Variants in ABHD12 observed in about 807,000 individuals in gnomAD.
ABHD12 encodes the protein abhydrolase domain containing 12, lysophospholipase, also known as lysophosphatidylserine lipase ABHD12.
A neutral mutation model predicts 58.3 loss-of-function variants in ABHD12; 43 were observed. The ratio of observed to expected loss-of-function variants is 0.74; its 90% CI spans 0.58 to 0.95. ABHD12 has a LOEUF of 0.95. ABHD12 is among the 40% of genes least tolerant of loss of function. The probability of loss-of-function intolerance (pLI) is 0.00; values close to 1 mark genes in which losing one functional copy is unlikely to be tolerated. For synonymous variants in ABHD12, 219 were observed against 211.2 expected, an observed-to-expected ratio of 1.04 and a Z score of -0.32; for missense variants, 539 against 537.2, an observed-to-expected ratio of 1.00 and a Z score of -0.03.
rs2088617906 is a variant in ABHD12 at position 25,300,630 on chromosome 20, G to A, written c.*215C>T. ...GGGCGGCAAGGAGAGCCACATGCCT[G>A]CCACCCACGCTTTCCACACAGCCAT... On this transcript the variant is annotated 3_prime_UTR_variant, in exon 13 of 13. Transcript: ENST00000339157. 6 of 1,451,564 alleles carry A rather than the reference G, an allele frequency of 4.1e-6. No individual in the cohort carries two copies. The South Asian group carries it at 8.7e-5, about 21-fold the overall frequency. The allele number at this position is 1,451,564 out of a possible 1,614,324, so 89.9% of individuals were successfully genotyped here. A position where few individuals can be genotyped will look rare whatever the true frequency, so the allele number is the denominator to read the frequency against.
At chr20:25,304,265 G>A (rs2088694403) in intron 10 of ABHD12, among the ~76,000 whole-genome samples, 1 of 152,236 alleles carries the variant, frequency 6.6e-6, no homozygotes. Context: ...CCGGTGGGGA[G>A]CCCCCGCCCT....
At chr20:25,342,103 C>CA (rs11476197) in intron 1 of ABHD12, among the ~76,000 whole-genome samples, 2,290 of 69,138 alleles carry the variant, frequency 0.033, 46 homozygotes, top group Admixed American at 0.056. Flanking sequence ...AACTCTGTCT[C>CA]AAAAAAAAAA....
intron 1 of ABHD12, chr20:25,368,717 C>G: frequency 7.9e-7 from 1 of 1,272,768 alleles, no homozygotes; most frequent in Non-Finnish European, 1.1e-6. Flanking sequence ...GAGACGCGGC[C>G]CAAGGGCTTG....
At chr20:25,366,706 A>C (rs921701448) in intron 1 of ABHD12, among the ~76,000 whole-genome samples, 18 of 152,238 alleles carry the variant, frequency 1.2e-4, no homozygotes, top group Admixed American at 6.5e-4. Flanking sequence ...ATATGGATCC[A>C]GATTTATTTT....
Position 25,309,527 on chromosome 20 carries a change from T to C in ABHD12, c.668A>G (p.Asp223Gly), listed in dbSNP as rs2088809857. The change falls in exon 7 of 13, where the codon GAC (aspartate) becomes GGC (glycine). Residue 223 changes from aspartate (D) to glycine (G), a missense_variant. Transcript: ENST00000339157. The stretch of plus-strand genomic sequence containing the variant: ...GATCCAGTCAAAAACGTGGAGTGCG[T>C]CATAGGTCATGCCCCGCTCAGATGG... The part of the protein sequence containing the change: ...GTPSERGMTY[D>G]ALHVFDWIKA... 3 of 1,614,146 alleles carry C rather than the reference T, an allele frequency of 1.9e-6. No individual in the cohort carries two copies. The South Asian group carries it at 3.3e-5, about 18-fold the overall frequency.
intron 5 of ABHD12, 65 bp from the exon 6 acceptor site, chr20:25,315,035 C>T (rs183329667): frequency 1.7e-5 from 27 of 1,558,054 alleles, no homozygotes; most frequent in East Asian, 6.7e-5. Flanking sequence ...GGCAGCTTGC[C>T]GCTTACTAAA....
At chr20:25,357,876 T>C (rs1034127969) in intron 1 of ABHD12, among the ~76,000 whole-genome samples, 6 of 152,134 alleles carry the variant, frequency 3.9e-5, no homozygotes, top group Admixed American at 3.3e-4. Context: ...CTGGGTGTCA[T>C]GACACGTGCT....
At chr20:25,296,506 A>G (rs766438931), downstream of ABHD12, 8 of 1,613,400 alleles carry the variant, frequency 5.0e-6, no homozygotes, top group South Asian at 6.6e-5. Flanking sequence ...CCGCCCCCCA[A>G]CATCCCCCGG....
chr20:25,295,804 A>G, downstream of ABHD12: 1 of 1,004,658 alleles, frequency 1.0e-6, no homozygotes, highest in Non-Finnish European at 1.5e-6. Context: ...CTGATCTGTC[A>G]TCAGTCGGCT....
chr20:25,294,866 A>G (rs1213637036), exon 13 of ABHD12: 1 of 1,317,118 alleles, frequency 7.6e-7, no homozygotes, highest in Admixed American at 1.7e-5. Flanking sequence ...CAAAAGTTGA[A>G]TCCGGCGAGG....
At chr20:25,347,191 CATTATTTTTACCAGACAGACAT>C (rs2089531019) in intron 1 of ABHD12, among the ~76,000 whole-genome samples, 1 of 152,142 alleles carries the variant, frequency 6.6e-6, no homozygotes, top group Admixed American at 6.5e-5. Flanking sequence ...AGTTTTATAT[CATTATTTTTACCAGACAGACAT>C]ATATTCCTGT....
chr20:25,353,038 C>A (rs1471525141), intron 1 of ABHD12, among the ~76,000 whole-genome samples: 1 of 152,170 alleles, frequency 6.6e-6, no homozygotes, highest in Non-Finnish European at 1.5e-5. Context: ...AACAGAGCCT[C>A]CAAAATTGGT....
intron 2 of ABHD12, among the ~76,000 whole-genome samples, chr20:25,336,100 G>T (rs1186973609): frequency 6.6e-6 from 1 of 152,146 alleles, no homozygotes; most frequent in East Asian, 1.9e-4. Context: ...TAACGGCTGG[G>T]AAGATATTCT....
Position 25,390,762 on chromosome 20 carries a change from C to A in ABHD12, c.-59G>T. On this transcript the variant is annotated 5_prime_UTR_variant, in exon 1 of 13. Transcript: ENST00000339157. The stretch of plus-strand genomic sequence containing the variant: ...CCGCTGGCCTGCGCCGCAGTGCCGC[C>A]GCTCACAGCCGCCGCCACCCAGAGC... 5 of 1,149,728 alleles carry A rather than the reference C, an allele frequency of 4.3e-6. No homozygotes were observed. Among genetic ancestry groups the A allele is most frequent in the African/African-American group, 1.6e-5 (1 of 61,022 alleles). 71.2% of individuals were successfully genotyped at this position (1,149,728 alleles called of 1,614,324 possible). A position where few individuals can be genotyped will look rare whatever the true frequency, so the allele number is the denominator to read the frequency against.
At chr20:25,365,644 C>G (rs2089809961) in intron 1 of ABHD12, among the ~76,000 whole-genome samples, 1 of 152,190 alleles carries the variant, frequency 6.6e-6, no homozygotes, top group Admixed American at 6.5e-5. Context: ...ATTATCCTCC[C>G]AAATCCTTGC....
intron 3 of ABHD12, 47 bp downstream of exon 3, chr20:25,323,278 G>A (rs777895781): frequency 8.5e-7 from 1 of 1,181,866 alleles, no homozygotes; most frequent in Admixed American, 1.7e-5. Context: ...AGTCATGTAG[G>A]GTCCTTTCCT....
chr20:25,314,159 G>C (rs1207621747), intron 6 of ABHD12, among the ~76,000 whole-genome samples: 1 of 152,010 alleles, frequency 6.6e-6, no homozygotes, highest in Non-Finnish European at 1.5e-5. Context: ...TTTCAGTAGA[G>C]ATGGGGTTTC....
chr20:25,379,083 G>C (rs2089992765), intron 1 of ABHD12, among the ~76,000 whole-genome samples: 1 of 152,180 alleles, frequency 6.6e-6, no homozygotes, highest in South Asian at 2.1e-4. Flanking sequence ...CAGTTCATGT[G>C]AACCTTTCGC....
chr20:25,379,264 T>C (rs538710607), intron 1 of ABHD12, among the ~76,000 whole-genome samples: 1 of 152,306 alleles, frequency 6.6e-6, no homozygotes, highest in East Asian at 1.9e-4. Flanking sequence ...GTCCTTGTCA[T>C]CCTTTTTAAA....
Sources: gnomAD v4.1 joint callset for allele counts (sites outside exome capture counted in the v4.1 genomes callset) on GRCh38, gnomAD v4.1.1 for gene constraint, MANE v1.5 for transcripts, NCBI Gene and HGNC (gene_info 2026-07-23, HGNC 2026-07-21) for gene names.